The following CEP63 variants were observed in gnomAD, a reference collection of about 807,000 sequenced individuals.
The protein encoded by CEP63 is centrosomal protein 63.
Under a neutral mutation model 89.1 loss-of-function variants are expected in CEP63, and 84 were observed. That is an observed-to-expected ratio of 0.94 (90% CI 0.79 to 1.13). The LOEUF is 1.13. CEP63 is among the 50% of genes most tolerant of loss of function. The pLI, the probability that CEP63 is intolerant of heterozygous loss-of-function variation, is 0.00. For missense variants in CEP63, 838 were observed against 813.3 expected (o/e 1.03, Z -0.37); for synonymous variants, 267 against 272.5 (o/e 0.98, Z 0.20).
At chr3:134,603,470 G>A in the CEP63 span, 2 of 972,126 alleles carry the variant, frequency 2.1e-6, no homozygotes, top group Non-Finnish European at 3.1e-6. Context: ...GGCCTAGAAG[G>A]GATTTCATGC....
chr3:134,649,827 A>G, the CEP63 span, among the ~76,000 whole-genome samples: 2 of 152,222 alleles, frequency 1.3e-5, no homozygotes, highest in African/African-American at 4.8e-5. Context: ...TTCAATGAGC[A>G]CAGAGGCTCT....
chr3:134,604,100 C>A, the CEP63 span: 18 of 1,612,348 alleles, frequency 1.1e-5, no homozygotes, highest in Non-Finnish European at 1.5e-5. Context: ...ACATTAATGC[C>A]CTCCTCCACG....
the CEP63 span, among the ~76,000 whole-genome samples, chr3:134,760,055 TTTC>T: frequency 7.1e-6 from 1 of 140,022 alleles, no homozygotes; most frequent in East Asian, 2.0e-4. Context: ...ACCAGAGCAC[TTTC>T]TTTTTTTTTT....
the CEP63 span, among the ~76,000 whole-genome samples, chr3:134,775,001 C>G: frequency 6.6e-6 from 1 of 152,184 alleles, no homozygotes; most frequent in Non-Finnish European, 1.5e-5. Context: ...TACCCCAGCC[C>G]ATTGGATGGG....
downstream of CEP63, among the ~76,000 whole-genome samples, chr3:134,579,749 A>C (rs1958300191): frequency 6.6e-6 from 1 of 152,238 alleles, no homozygotes; most frequent in African/African-American, 2.4e-5. Context: ...TAAAGACATC[A>C]TTCGAATGTC....
At chr3:134,528,563 T>TGTGCGC (rs1242226662) in intron 3 of CEP63, among the ~76,000 whole-genome samples, 5 of 112,868 alleles carry the variant, frequency 4.4e-5, no homozygotes, top group Non-Finnish European at 9.7e-5. Flanking sequence ...GGTGTGTGTG[T>TGTGCGC]GTGTGCGTGT....
At chr3:134,676,775 C>G in the CEP63 span, among the ~76,000 whole-genome samples, 22 of 152,280 alleles carry the variant, frequency 1.4e-4, no homozygotes, top group South Asian at 4.4e-3. Context: ...TGTGAGCCAA[C>G]ACATTCCCTG....
At chr3:134,585,880 A>G (rs897752791) in intron 10 of CEP63, among the ~76,000 whole-genome samples, 1 of 152,124 alleles carries the variant, frequency 6.6e-6, no homozygotes, top group Non-Finnish European at 1.5e-5. Flanking sequence ...GTGCTCCTGT[A>G]TTGGGTGCAT....
intron 6 of CEP63, among the ~76,000 whole-genome samples, chr3:134,541,537 C>T (rs920239191): frequency 1.8e-5 from 2 of 110,912 alleles, no homozygotes; most frequent in Non-Finnish European, 1.8e-5. Flanking sequence ...TTTTTTGAGA[C>T]GGATTTTCGC....
the CEP63 span, chr3:134,607,842 G>A: frequency 0.64 from 630,318 of 987,148 alleles, 202,232 homozygotes; most frequent in East Asian, 0.87. Context: ...GCTGGGTCCC[G>A]CCTCCAGAAG....
downstream of CEP63, among the ~76,000 whole-genome samples, chr3:134,578,694 G>A (rs1958276774): frequency 6.6e-6 from 1 of 151,996 alleles, no homozygotes; most frequent in African/African-American, 2.4e-5. Context: ...CATGTTTGCT[G>A]GCTGCATAAA....
chr3:134,547,625 T>TTTTTTTTTTTTTTTTTTTTTG, intron 9 of CEP63, among the ~76,000 whole-genome samples, 153 bp downstream of exon 9: 1 of 139,796 alleles, frequency 7.2e-6, no homozygotes, highest in Non-Finnish European at 1.6e-5. Context: ...TTTTTTTTTT[T>TTTTTTTTTTTTTTTTTTTTTG]TTTTGAGACG....
At chr3:134,659,257 A>G in the CEP63 span, among the ~76,000 whole-genome samples, 1 of 152,166 alleles carries the variant, frequency 6.6e-6, no homozygotes. Flanking sequence ...CCAAGTGTTG[A>G]TTACCCAGCT....
chr3:134,695,901 G>A, the CEP63 span, among the ~76,000 whole-genome samples: 1 of 152,226 alleles, frequency 6.6e-6, no homozygotes, highest in African/African-American at 2.4e-5. Flanking sequence ...CATAGTCCCA[G>A]TGGTATCTCC....
At chr3:134,694,609 A>T in the CEP63 span, among the ~76,000 whole-genome samples, 1 of 152,212 alleles carries the variant, frequency 6.6e-6, no homozygotes, top group East Asian at 1.9e-4. Flanking sequence ...CCAGCCTAGG[A>T]CAAGGAACAG....
Position 134,508,936 on chromosome 3 carries a change from G to A in CEP63, c.222+1650G>A, listed in dbSNP as rs548321072. 2.1e-4 allele frequency among the ~76,000 whole-genome samples: 31 copies of A among 150,112 alleles called. No homozygotes were observed. In the South Asian group the frequency reaches 6.3e-3, roughly 31 times the overall value. ...GGAATCTATTCCATAGAATTTGTGTGTGAGATTGTGTTGTATTACAACACT... is the reference window on the plus strand; with the variant it reads ...GGAATCTATTCCATAGAATTTGTGTATGAGATTGTGTTGTATTACAACACT... On this transcript the variant is annotated intron_variant, in intron 3 of 14. Coordinates refer to ENST00000675561, the MANE Select transcript of CEP63 (RefSeq NM_001353108.3).
chr3:134,698,542 G>A, the CEP63 span, among the ~76,000 whole-genome samples: 6 of 152,220 alleles, frequency 3.9e-5, no homozygotes, highest in Admixed American at 2.0e-4. Flanking sequence ...CAAGAATGCA[G>A]TCTCTTGCTG....
At chr3:134,490,724 T>G (rs1251633641) in intron 1 of CEP63, among the ~76,000 whole-genome samples, 5 of 152,030 alleles carry the variant, frequency 3.3e-5, no homozygotes. Context: ...CCTTCCTTAC[T>G]GATACTGTTT....
Position 134,550,253 on chromosome 3 carries a change from A to C in CEP63, c.1373A>C (p.Glu458Ala). 1 of 1,614,098 alleles carries C rather than the reference A, an allele frequency of 6.2e-7. No individual in the cohort carries two copies. Among genetic ancestry groups the C allele is most frequent in the Non-Finnish European group, 8.5e-7 (1 of 1,179,952 alleles). ...CAAAAGGCAGAAGACAAAGCAGTAGAGCATAAGGTGAAGCCTGAACAAAAC... is the reference window on the plus strand; with the variant it reads ...CAAAAGGCAGAAGACAAAGCAGTAGCGCATAAGGTGAAGCCTGAACAAAAC... ...EMQKAEDKAV[E>A]HKEILDQLES... Residue 458 changes from glutamate to alanine, a missense_variant, in exon 11 of 15, where the codon GAG becomes GCG. Glu to Ala is a moderately radical substitution (Grantham distance 107). Coordinates refer to ENST00000675561, the MANE Select transcript of CEP63 (RefSeq NM_001353108.3).
Sources: gnomAD v4.1 joint callset for allele counts (sites outside exome capture counted in the v4.1 genomes callset) on GRCh38, gnomAD v4.1.1 for gene constraint, MANE v1.5 for transcripts, NCBI Gene and HGNC (gene_info 2026-07-23, HGNC 2026-07-21) for gene names.